The following FES variants were observed in gnomAD, a reference collection of about 807,000 sequenced individuals.
FES encodes the protein tyrosine-protein kinase Fes/Fps.
FES carries 83 observed loss-of-function variants against 109.6 expected under a neutral mutation model. The observed-to-expected ratio is 0.76, with a 90% CI of 0.63 to 0.91. The LOEUF is 0.91. Ranked by LOEUF, FES falls within the 40% of genes least tolerant of loss-of-function variation. The pLI, the probability that FES is intolerant of heterozygous loss-of-function variation, is 0.00. For synonymous variants in FES, 458 were observed against 442.1 expected (o/e 1.04, Z -0.45); for missense variants, 943 against 1,070.9 (o/e 0.88, Z 1.67).
Position 90,890,140 on chromosome 15 carries a change from G to A in FES, c.1098G>A (p.Gly366=), listed in dbSNP as rs2033067093. 6.3e-7 allele frequency: 1 copy of A among 1,588,626 alleles called. No individual in the cohort carries two copies. The highest frequency in any genetic ancestry group is 8.5e-7 in the Non-Finnish European group (1 of 1,172,768). Reference sequence around the variant, plus strand: ...AAGTGCTGCAAGAAGCACTGCAGGGGCTGCAGGTAGCGCTGTGCAGCCAGG... The same window carrying A: ...AAGTGCTGCAAGAAGCACTGCAGGGACTGCAGGTAGCGCTGTGCAGCCAGG... The part of the protein sequence containing the change: ...KRQVLQEALQ[G]LQVALCSQAK... Residue 366 remains glycine, a synonymous_variant, in exon 9 of 19, where the codon GGG becomes GGA. Coordinates refer to ENST00000328850, the MANE Select transcript of FES (RefSeq NM_002005.4).
intron 18 of FES, among the ~76,000 whole-genome samples, chr15:90,894,739 C>A (rs957524273): frequency 8.1e-6 from 1 of 123,920 alleles, no homozygotes; most frequent in African/African-American, 2.7e-5. Context: ...GCACCCCAAC[C>A]TGGGTGACAG....
Position 90,893,282 on chromosome 15 carries a change from C to A in FES, c.1922-9C>A, listed in dbSNP as rs1226804483. On this transcript the variant is annotated splice_polypyrimidine_tract_variant and intron_variant, in intron 15 of 18. Transcript: ENST00000328850. The stretch of plus-strand genomic sequence containing the variant: ...CAGGAGGCTCAGCAGGGGTCCTCCC[C>A]ACCTGCAGGGGGCGACTTCCTGACC... 2.5e-6 allele frequency: 4 copies of A among 1,606,472 alleles called. No individual in the cohort carries two copies. The African/African-American group carries it at 5.3e-5, about 21-fold the overall frequency.
chr15:90,893,204 G>A lies in FES; in HGVS notation c.1921+10G>A, dbSNP rs2151269111. 1 of 1,613,678 alleles carries A rather than the reference G, an allele frequency of 6.2e-7. No homozygotes were observed. The highest frequency in any genetic ancestry group is 2.2e-5 in the East Asian group (1 of 44,874). ...ATGGAGCTTGTGCAGGGTGAGCGCG[G>A]GGCGCTGAGCTCCAGGTAGGGCGCG... On this transcript the variant is annotated intron_variant, in intron 15 of 18. Transcript: ENST00000328850.
intron 10 of FES, 146 bp downstream of exon 10, chr15:90,890,630 C>A: frequency 2.7e-6 from 2 of 743,594 alleles, no homozygotes; most frequent in Non-Finnish European, 2.2e-6. Context: ...GTCCCCAGAC[C>A]CTGCCCCTGT....
At chr15:90,891,786 A>C in intron 12 of FES, 110 bp downstream of exon 12, 4 of 1,484,554 alleles carry the variant, frequency 2.7e-6, no homozygotes, top group Admixed American at 3.9e-5. Context: ...CTCCGTCTAC[A>C]TACAAGATGC....
Position 90,885,246 on chromosome 15 carries a change from C to T in FES, c.201C>T (p.Ser67=). The T allele has an allele frequency of 6.2e-7, 1 of 1,612,534 alleles. No individual in the cohort carries two copies. The highest frequency in any genetic ancestry group is 8.5e-7 in the Non-Finnish European group (1 of 1,179,756). ...GGQSRAISPD[S]PISQSWAEIT... ...AGAGCCGGGCCATCAGCCCTGACAG[C>T]CCCATCAGTCAGGTGGGTCTCTATG... The change falls in exon 2 of 19, where the codon AGC becomes AGT. Residue 67 remains serine (S), a synonymous_variant. Coordinates refer to ENST00000328850, the MANE Select transcript of FES (RefSeq NM_002005.4).
At position 90,890,295 on chromosome 15, in the gene FES, G is replaced by C. The variant is rs749208680; in HGVS notation, c.1236+17G>C. On this transcript the variant is annotated intron_variant, in intron 9 of 18. Coordinates refer to ENST00000328850, the MANE Select transcript of FES (RefSeq NM_002005.4). ...TCGTCCTCGGTGAGCTGCCCCATCCGCGGCCGCTGCCCGCCACCGGCCTGC... is the reference window on the plus strand; with the variant it reads ...TCGTCCTCGGTGAGCTGCCCCATCCCCGGCCGCTGCCCGCCACCGGCCTGC... 4 of 1,586,608 alleles carry C rather than the reference G, an allele frequency of 2.5e-6. No individual in the cohort carries two copies. The highest frequency in any genetic ancestry group is 1.7e-4 in the Middle Eastern group (1 of 5,856).
intron 10 of FES, among the ~76,000 whole-genome samples, 182 bp from the exon 11 acceptor site, chr15:90,890,800 C>G (rs1222040500): frequency 2.6e-5 from 4 of 152,242 alleles, no homozygotes; most frequent in Admixed American, 6.5e-5. Flanking sequence ...CTTCCCAGCT[C>G]TGCCCAGCGT....
Position 90,891,938 on chromosome 15 carries a change from C to T in FES, c.1654-120C>T, listed in dbSNP as rs1019486951. The T allele has an allele frequency of 6.4e-6, 8 of 1,246,282 alleles. No homozygotes were observed. In the African/African-American group the frequency reaches 1.0e-4, roughly 16 times the overall value. 77.2% of individuals were successfully genotyped at this position (1,246,282 alleles called of 1,614,324 possible). Reference sequence around the variant, plus strand: ...CCCCGTAGTCATCTCAGTGTGCTCCCCACGTGGTCCCACCCCTGGTCACAT... The same window carrying T: ...CCCCGTAGTCATCTCAGTGTGCTCCTCACGTGGTCCCACCCCTGGTCACAT... On this transcript the variant is annotated intron_variant, in intron 12 of 18. Coordinates refer to ENST00000328850, the MANE Select transcript of FES (RefSeq NM_002005.4).
At position 90,890,992 on chromosome 15, in the gene FES, C is replaced by A. The variant is rs34086251; in HGVS notation, c.1331C>A (p.Pro444Gln). ...IFRPKFSLPP[P>Q]LQLIPEVQKP... is the part of the protein sequence containing the mutation. ...TCCTCCCTTGCCCAGCTCCCTCCAC[C>A]GCTGCAGCTCATTCCGGAGGTGCAG... The change falls in exon 11 of 19, where the codon CCG (proline) becomes CAG (glutamine). Residue 444 changes from proline to glutamine, a missense_variant. By Grantham distance (76) the Pro-to-Gln change is moderately conservative. Transcript: ENST00000328850. 2 of 1,585,882 alleles carry A rather than the reference C, an allele frequency of 1.3e-6. No individual in the cohort carries two copies. Among genetic ancestry groups the A allele is most frequent in the Non-Finnish European group, 8.6e-7 (1 of 1,166,064 alleles).
intron 13 of FES, 174 bp downstream of exon 13, chr15:90,892,285 C>T (rs1434010508): frequency 2.7e-5 from 19 of 700,442 alleles, no homozygotes; most frequent in Middle Eastern, 3.9e-4. Context: ...ACAGTACCTA[C>T]CCTGAAAACT....
Position 90,890,203 on chromosome 15 carries a change from G to A in FES, c.1161G>A (p.Lys387=). 1 of 1,602,046 alleles carries A rather than the reference G, an allele frequency of 6.2e-7. No individual in the cohort carries two copies. The highest frequency in any genetic ancestry group is 8.5e-7 in the Non-Finnish European group (1 of 1,179,088). Residue 387 remains lysine, a synonymous_variant, in exon 9 of 19, where the codon AAG becomes AAA. Coordinates refer to ENST00000328850, the MANE Select transcript of FES (RefSeq NM_002005.4). ...CCCAGCAGGAGTTGCTGCAGACCAAGCTGGAGCACCTGGGCCCCGGCGAGC... is the reference window on the plus strand; with the variant it reads ...CCCAGCAGGAGTTGCTGCAGACCAAACTGGAGCACCTGGGCCCCGGCGAGC... The part of the protein sequence containing the change: ...LQAQQELLQT[K]LEHLGPGEPP...
intron 11 of FES, 145 bp from the exon 12 acceptor site, chr15:90,891,409 G>A: frequency 8.5e-7 from 1 of 1,180,652 alleles, no homozygotes; most frequent in East Asian, 2.3e-5. Context: ...GATGTCATGT[G>A]CCATCAGATG....
In FES at chr15:90,895,617, G is replaced by C; in HGVS notation, c.*59G>C. 1 of 1,432,770 alleles carries C rather than the reference G, an allele frequency of 7.0e-7. No homozygotes were observed. Among genetic ancestry groups the C allele is most frequent in the Non-Finnish European group, 9.3e-7 (1 of 1,079,844 alleles). 88.8% of individuals were successfully genotyped at this position (1,432,770 alleles called of 1,614,324 possible). A position where few individuals can be genotyped will look rare whatever the true frequency, so the allele number is the denominator to read the frequency against. On this transcript the variant is annotated 3_prime_UTR_variant, in exon 19 of 19. Coordinates refer to ENST00000328850, the MANE Select transcript of FES (RefSeq NM_002005.4). Reference sequence around the variant, plus strand: ...GCAGGCCTAGGTGCAGCTCCTCAGCGGCTCCAGCTCATATGCTGACAGCTC... The same window carrying C: ...GCAGGCCTAGGTGCAGCTCCTCAGCCGCTCCAGCTCATATGCTGACAGCTC...
intron 14 of FES, 71 bp downstream of exon 14, chr15:90,892,896 G>C: frequency 1.3e-6 from 2 of 1,498,686 alleles, no homozygotes; most frequent in South Asian, 1.1e-5. Flanking sequence ...ACAGTGTGAA[G>C]TGCTTGACCA....
chr15:90,894,186 A>T lies in FES; in HGVS notation c.2326+128A>T. The T allele has an allele frequency of 6.4e-6, 7 of 1,100,788 alleles. No homozygotes were observed. The South Asian group carries it at 7.4e-5, about 12-fold the overall frequency. 68.2% of individuals were successfully genotyped at this position (1,100,788 alleles called of 1,614,324 possible). On this transcript the variant is annotated intron_variant, in intron 18 of 18. Coordinates refer to ENST00000328850, the MANE Select transcript of FES (RefSeq NM_002005.4). ...ATAAGAATAACCTGGCCAGTTGCTC[A>T]CGCCTGTCATCCCAGCACTTTGGGA... is the stretch of plus-strand genomic sequence containing the variant.
At chr15:90,886,353 G>A (rs2032620495) in intron 3 of FES, among the ~76,000 whole-genome samples, 1 of 152,236 alleles carries the variant, frequency 6.6e-6, no homozygotes, top group African/African-American at 2.4e-5. Flanking sequence ...AGGCTCTATG[G>A]CCTACAAGCG....
chr15:90,889,486 C>G lies in FES; in HGVS notation c.807-31C>G. The G allele has an allele frequency of 6.2e-7, 1 of 1,613,920 alleles. No homozygotes were observed. The highest frequency in any genetic ancestry group is 1.1e-5 in the South Asian group (1 of 91,072). On this transcript the variant is annotated intron_variant, in intron 6 of 18. Transcript: ENST00000328850. The surrounding 1 kb of genome is among the most constrained non-coding windows in gnomAD (Gnocchi z 6.1). The stretch of plus-strand genomic sequence containing the variant: ...TCCTGCTGGGCCCAGGGCTGCTGGC[C>G]TGTCCACTGACGGGGCGCTGTCCCC...
rs531603171 is a variant in FES at position 90,895,348 on chromosome 15, C to G, written c.2327-68C>G. 3 of 1,357,272 alleles carry G rather than the reference C, an allele frequency of 2.2e-6. No homozygotes were observed. The East Asian group carries it at 7.9e-5, about 36-fold the overall frequency. 84.1% of individuals were successfully genotyped at this position (1,357,272 alleles called of 1,614,324 possible). On this transcript the variant is annotated intron_variant, in intron 18 of 18. Transcript: ENST00000328850. ...AAGCAGCTCCTATGGCTCATGGTAT[C>G]CCCCAGAGTCTGCCGAGGACCCTCA...
Sources: gnomAD v4.1 joint callset for allele counts (sites outside exome capture counted in the v4.1 genomes callset) on GRCh38, gnomAD v4.1.1 for gene constraint, Gnocchi (gnomAD v3.1) non-coding constraint, MANE v1.5 for transcripts, NCBI Gene and HGNC (gene_info 2026-07-23, HGNC 2026-07-21) for gene names.